MRTFA: variants seen among roughly 807,000 people sequenced by gnomAD.
MRTFA encodes the protein myocardin related transcription factor A.
A neutral mutation model predicts 83.5 loss-of-function variants in MRTFA; 20 were observed. The ratio of observed to expected loss-of-function variants is 0.24; its 90% confidence interval spans 0.17 to 0.35. The LOEUF is 0.35. MRTFA is among the 10% of genes least tolerant of loss of function. MRTFA has a pLI of 1.00. For missense variants in MRTFA, 1,200 were observed against 1,224.7 expected, an observed-to-expected ratio of 0.98 and a Z score of 0.30; for synonymous variants, 659 against 541.2, an observed-to-expected ratio of 1.22 and a Z score of -3.02.
rs554592534 is a variant in MRTFA, at chr22:40,569,307, C to T, written c.-21-16940G>A. 10 of 211,956 alleles carry T rather than the reference C, an allele frequency of 4.7e-5. No individual in the cohort carries two copies. In the South Asian group the frequency reaches 8.4e-4, roughly 18 times the overall value. The allele number at this position is 211,956 out of a possible 1,614,324, so 13.1% of individuals were successfully genotyped here. A position where few individuals can be genotyped will look rare whatever the true frequency, so the allele number is the denominator to read the frequency against. On this transcript the variant is annotated intron_variant, in intron 2 of 14. Coordinates refer to ENST00000355630, the MANE Select transcript of MRTFA (RefSeq NM_020831.6). ...TGCACCATGGCAAAAGACATCAAGA[C>T]CAAAATCAAGAACTACAGGACTGCC...
At chr22:40,424,042 C>T (rs1298340550) in intron 8 of MRTFA, among the ~76,000 whole-genome samples, 164 bp downstream of exon 8, 2 of 152,190 alleles carry the variant, frequency 1.3e-5, no homozygotes, top group Non-Finnish European at 2.9e-5. Flanking sequence ...CCACATCTCC[C>T]ACCACCGGGG....
intron 1 of MRTFA, among the ~76,000 whole-genome samples, chr22:40,633,608 A>T (rs1454374903): frequency 6.6e-6 from 1 of 152,162 alleles, no homozygotes; most frequent in African/African-American, 2.4e-5. Flanking sequence ...CTCCATTTTT[A>T]CTGAATGTTC....
chr22:40,417,671 T>TG (rs953520236), intron 12 of MRTFA, 178 bp from the exon 13 acceptor site: 3 of 508,520 alleles, frequency 5.9e-6, no homozygotes, highest in African/African-American at 3.9e-5. Context: ...GAATACAGGA[T>TG]GGGGGGCCCT....
chr22:40,418,989 A>C lies in MRTFA; in HGVS notation c.1749T>G (p.Pro583=). The C allele has an allele frequency of 4.3e-6, 7 of 1,612,764 alleles. No individual in the cohort carries two copies. The highest frequency in any genetic ancestry group is 5.9e-6 in the Non-Finnish European group (7 of 1,179,898). The stretch of plus-strand genomic sequence containing the variant: ...AGGCCTGCAGGGTCAGCTGCGTCAG[A>C]GGTGATGTCACCATCTCACCAAAGG... The change falls in exon 12 of 15, where the codon CCT becomes CCG. Residue 583 remains proline, a synonymous_variant. Coordinates refer to ENST00000355630, the MANE Select transcript of MRTFA (RefSeq NM_020831.6).
chr22:40,555,861 G>C (rs1201920502), intron 2 of MRTFA, among the ~76,000 whole-genome samples: 1 of 151,666 alleles, frequency 6.6e-6, no homozygotes, highest in Non-Finnish European at 1.5e-5. Context: ...GGATGGTCTC[G>C]ATCTCCTGAC....
chr22:40,582,273 T>TA (rs2055958347), intron 2 of MRTFA, among the ~76,000 whole-genome samples: 2 of 152,366 alleles, frequency 1.3e-5, no homozygotes, highest in Non-Finnish European at 1.5e-5. Context: ...TGCCAAATAA[T>TA]ATTCAACTGT....
At chr22:40,504,181 G>GA (rs1024421299) in intron 3 of MRTFA, among the ~76,000 whole-genome samples, 17 of 151,844 alleles carry the variant, frequency 1.1e-4, no homozygotes, top group Non-Finnish European at 1.6e-4. Flanking sequence ...CTTTGTGGCT[G>GA]AAAAAAAATT....
intron 3 of MRTFA, among the ~76,000 whole-genome samples, chr22:40,472,465 A>C (rs576378725): frequency 6.6e-6 from 1 of 152,332 alleles, no homozygotes; most frequent in African/African-American, 2.4e-5. Flanking sequence ...TGTGTTTTGA[A>C]CAATGATTCA....
intron 3 of MRTFA, among the ~76,000 whole-genome samples, chr22:40,525,014 T>C (rs2054941891): frequency 6.6e-6 from 1 of 152,226 alleles, no homozygotes; most frequent in Non-Finnish European, 1.5e-5. Flanking sequence ...TTCGCCATAC[T>C]GGCCAGGCTG....
intron 1 of MRTFA, among the ~76,000 whole-genome samples, chr22:40,633,786 T>C (rs549890945): frequency 3.9e-5 from 6 of 152,138 alleles, no homozygotes; most frequent in Non-Finnish European, 5.9e-5. Context: ...TCACAGAAAG[T>C]AACTTGCAAT....
At chr22:40,457,279 C>T (rs1179285521) in intron 4 of MRTFA, among the ~76,000 whole-genome samples, 4 of 151,796 alleles carry the variant, frequency 2.6e-5, no homozygotes, top group Non-Finnish European at 5.9e-5. Context: ...GCAAGAAAAT[C>T]GCTTGAACCC....
Position 40,431,453 on chromosome 22 carries a change from G to T in MRTFA, c.391C>A (p.Arg131Ser). Reference sequence around the variant, plus strand: ...AGCTCCGATCTCTCCGGCCGGGAACGAATCTTCCGTTTGAGATAGTCCTCT... The same window carrying T: ...AGCTCCGATCTCTCCGGCCGGGAACTAATCTTCCGTTTGAGATAGTCCTCT... The change falls in exon 6 of 15, where the codon CGT becomes AGT. Residue 131 changes from arginine to serine, a missense_variant. Coordinates refer to ENST00000355630, the MANE Select transcript of MRTFA (RefSeq NM_020831.6). The T allele has an allele frequency of 6.2e-7, 1 of 1,614,030 alleles. No individual in the cohort carries two copies. Among genetic ancestry groups the T allele is most frequent in the Non-Finnish European group, 8.5e-7 (1 of 1,179,956 alleles).
At chr22:40,420,306 C>T in intron 11 of MRTFA, 99 bp downstream of exon 11, 1 of 1,400,784 alleles carries the variant, frequency 7.1e-7, no homozygotes, top group Non-Finnish European at 9.8e-7. Context: ...ACGGTGGGTC[C>T]TAGGCTGGCT....
intron 3 of MRTFA, chr22:40,519,736 T>C (rs779742548): frequency 1.8e-6 from 1 of 555,870 alleles, no homozygotes; most frequent in Non-Finnish European, 2.7e-6. Flanking sequence ...GTCAGGCTAG[T>C]ACAAACGCCT....
At chr22:40,543,906 G>A (rs5757998) in intron 3 of MRTFA, among the ~76,000 whole-genome samples, 99,936 of 152,054 alleles carry the variant, frequency 0.66, 33,221 homozygotes, top group Admixed American at 0.73. Context: ...AACAAGGTGG[G>A]AGGACTTACT....
chr22:40,448,846 G>T (rs2053432833), intron 4 of MRTFA, among the ~76,000 whole-genome samples: 1 of 152,266 alleles, frequency 6.6e-6, no homozygotes, highest in East Asian at 1.9e-4. Context: ...AATGACCAGC[G>T]ATATGGTACA....
intron 2 of MRTFA, among the ~76,000 whole-genome samples, chr22:40,562,058 T>C (rs2055626167): frequency 6.6e-6 from 1 of 151,362 alleles, no homozygotes; most frequent in Non-Finnish European, 1.5e-5. Context: ...CTACAAAAAA[T>C]ACAAAAAAAT....
chr22:40,435,298 A>G (rs2053146626), intron 5 of MRTFA, among the ~76,000 whole-genome samples: 1 of 152,180 alleles, frequency 6.6e-6, no homozygotes, highest in South Asian at 2.1e-4. Context: ...TATAATCACC[A>G]TGGGAGGTAA....
chr22:40,428,688 AT>A (rs1373999032), intron 7 of MRTFA, among the ~76,000 whole-genome samples: 2 of 151,618 alleles, frequency 1.3e-5, no homozygotes, highest in East Asian at 1.9e-4. Context: ...TAATTTTTTG[AT>A]TTTTTTTGTA....
Sources: gnomAD v4.1 joint callset for allele counts (sites outside exome capture counted in the v4.1 genomes callset) on GRCh38, gnomAD v4.1.1 for gene constraint, MANE v1.5 for transcripts, NCBI Gene and HGNC (gene_info 2026-07-23, HGNC 2026-07-21) for gene names.